The following SMURF1 variants were observed in gnomAD, a reference collection of about 807,000 sequenced individuals.
SMURF1 encodes SMAD specific E3 ubiquitin protein ligase 1, also known as E3 ubiquitin-protein ligase SMURF1.
SMURF1 carries 44 observed loss-of-function variants against 98.0 expected under a neutral mutation model. The ratio of observed to expected loss-of-function variants is 0.45; its 90% confidence interval spans 0.35 to 0.58. SMURF1 has a LOEUF of 0.58. Among genes scored for constraint, SMURF1 ranks in the 20% least tolerant of loss-of-function variants. The pLI, the probability that SMURF1 is intolerant of heterozygous loss-of-function variation, is 0.00. For synonymous variants in SMURF1, 396 were observed against 374.9 expected (o/e 1.06, Z -0.65); for missense variants, 687 against 938.4 (o/e 0.73, Z 3.50).
intron 1 of SMURF1, among the ~76,000 whole-genome samples, chr7:99,090,648 TA>T (rs1796787599): frequency 6.6e-6 from 1 of 152,216 alleles, no homozygotes; most frequent in African/African-American, 2.4e-5. Flanking sequence ...CAATCTGTAA[TA>T]GAAGAAAAAT....
At chr7:99,129,315 G>A (rs1198781823) in intron 1 of SMURF1, among the ~76,000 whole-genome samples, 2 of 152,164 alleles carry the variant, frequency 1.3e-5, no homozygotes, top group Non-Finnish European at 2.9e-5. Flanking sequence ...AACACATTAT[G>A]TACCAGACAG....
chr7:99,088,257 CAA>C (rs537503861), intron 1 of SMURF1, among the ~76,000 whole-genome samples: 7 of 131,282 alleles, frequency 5.3e-5, no homozygotes, highest in Non-Finnish European at 4.9e-5. Flanking sequence ...GACTCTGTCT[CAA>C]AAAAAAAAAA....
At chr7:99,101,421 T>G (rs1364757518) in intron 1 of SMURF1, among the ~76,000 whole-genome samples, 4 of 152,150 alleles carry the variant, frequency 2.6e-5, no homozygotes, top group African/African-American at 9.7e-5. Flanking sequence ...ACATGCAGTT[T>G]CTACTAATTT....
chr7:99,128,556 C>T (rs192517403), intron 1 of SMURF1, among the ~76,000 whole-genome samples: 52 of 152,336 alleles, frequency 3.4e-4, no homozygotes, highest in Non-Finnish European at 6.5e-4. Context: ...ACTTTTTACT[C>T]TACAAGTTGG....
chr7:99,036,073 C>T (rs1161389474), intron 15 of SMURF1: 3 of 309,930 alleles, frequency 9.7e-6, no homozygotes, highest in Non-Finnish European at 1.9e-5. Flanking sequence ...CCCAGGGTCT[C>T]TCCAGGACAC....
At position 99,051,111 on chromosome 7, in the gene SMURF1, T is replaced by C. The variant is rs1393691192; in HGVS notation, c.806+246A>G. ...AAAGTTAGTGATCATAAGGAATTGCTGTGTAACCAACTTCAACAATGATCA... is the reference window on the plus strand; with the variant it reads ...AAAGTTAGTGATCATAAGGAATTGCCGTGTAACCAACTTCAACAATGATCA... On this transcript the variant is annotated intron_variant, in intron 8 of 17. Transcript: ENST00000361368. 5.2e-6 allele frequency: 5 copies of C among 960,188 alleles called. No individual in the cohort carries two copies. The East Asian group carries it at 7.9e-5, about 15-fold the overall frequency. The allele number at this position is 960,188 out of a possible 1,614,324, so 59.5% of individuals were successfully genotyped here. A position where few individuals can be genotyped will look rare whatever the true frequency, so the allele number is the denominator to read the frequency against.
intron 11 of SMURF1, among the ~76,000 whole-genome samples, chr7:99,043,092 T>C (rs1273986171): frequency 6.6e-6 from 1 of 152,120 alleles, no homozygotes. Context: ...AAGAACCTTT[T>C]TTGAAAAAGA....
Position 99,057,237 on chromosome 7 carries a change from G to A in SMURF1, c.371C>T (p.Ser124Leu). Reference protein sequence around the residue: ...QRLDLCKLNPSDTDAVRGQIV... With the variant: ...QRLDLCKLNPLDTDAVRGQIV... ...CTGGCCACGAACTGCATCAGTATCT[G>A]AGGGGTTTAGTTTGCATAGATCCAA... The change falls in exon 5 of 18, where the codon TCA becomes TTA. Residue 124 changes from serine to leucine, a missense_variant. Coordinates refer to ENST00000361368, the MANE Select transcript of SMURF1 (RefSeq NM_181349.3). The A allele has an allele frequency of 6.2e-7, 1 of 1,614,040 alleles. No individual in the cohort carries two copies. The highest frequency in any genetic ancestry group is 8.5e-7 in the Non-Finnish European group (1 of 1,179,946).
intron 1 of SMURF1, among the ~76,000 whole-genome samples, chr7:99,077,793 A>C (rs1249785274): frequency 6.6e-6 from 1 of 152,242 alleles, no homozygotes; most frequent in Admixed American, 6.5e-5. Flanking sequence ...AATATGTTAC[A>C]GAAGACAGGG....
At chr7:99,042,374 G>C (rs1016478183) in intron 11 of SMURF1, 142 bp from the exon 12 acceptor site, 2 of 582,660 alleles carry the variant, frequency 3.4e-6, no homozygotes, top group African/African-American at 1.9e-5. Context: ...CTGCCTTCCT[G>C]GTCCAAGTGA....
Position 99,029,364 on chromosome 7 carries a change from CAG to C in SMURF1, c.*1218_*1219del, listed in dbSNP as rs1794804977. 1.3e-5 allele frequency: 2 copies of C among 152,378 alleles called. No homozygotes were observed. Among genetic ancestry groups the C allele is most frequent in the Admixed American group, 1.3e-4 (2 of 15,268 alleles). 9.4% of individuals were successfully genotyped at this position (152,378 alleles called of 1,614,324 possible). A position where few individuals can be genotyped will look rare whatever the true frequency, so the allele number is the denominator to read the frequency against. Reference sequence around the variant, plus strand: ...CTTTTGTGCAAACTGGAAATGGTGTCAGAAACTTCGAATCTAGCCTTGCTTCT... The same window carrying C: ...CTTTTGTGCAAACTGGAAATGGTGTCAAACTTCGAATCTAGCCTTGCTTCT... On this transcript the variant is annotated 3_prime_UTR_variant, in exon 18 of 18. Coordinates refer to ENST00000361368, the MANE Select transcript of SMURF1 (RefSeq NM_181349.3).
intron 1 of SMURF1, among the ~76,000 whole-genome samples, chr7:99,135,740 C>CTTTT (rs1797977488): frequency 6.6e-6 from 1 of 152,166 alleles, no homozygotes; most frequent in Non-Finnish European, 1.5e-5. Flanking sequence ...TGTGAAAACA[C>CTTTT]CCATAAGAAA....
Position 99,047,681 on chromosome 7 carries a change from T to C in SMURF1, c.1152+3A>G, listed in dbSNP as rs775085969. On this transcript the variant is annotated splice_donor_region_variant and intron_variant, in intron 10 of 17. Coordinates refer to ENST00000361368, the MANE Select transcript of SMURF1 (RefSeq NM_181349.3). ...GTCTGGGCAGTGGCCCTGAACTCTC[T>C]ACCTCAAAGATTTCTTCTCTGGACA... The C allele has an allele frequency of 6.2e-7, 1 of 1,614,200 alleles. No homozygotes were observed. Among genetic ancestry groups the C allele is most frequent in the South Asian group, 1.1e-5 (1 of 91,084 alleles).
intron 1 of SMURF1, among the ~76,000 whole-genome samples, chr7:99,143,393 A>T (rs528496107): frequency 9.2e-6 from 1 of 109,280 alleles, no homozygotes; most frequent in Non-Finnish European, 1.9e-5. Flanking sequence ...GGAAAAGAGA[A>T]GCGAGGGGCG....
At chr7:99,058,778 A>G (rs1308894216) in intron 3 of SMURF1, among the ~76,000 whole-genome samples, 1 of 152,224 alleles carries the variant, frequency 6.6e-6, no homozygotes, top group African/African-American at 2.4e-5. Flanking sequence ...ACATGAAAAC[A>G]TGGGTGCATA....
At chr7:99,035,178 A>C (rs1353747884) in intron 16 of SMURF1, among the ~76,000 whole-genome samples, 1 of 152,178 alleles carries the variant, frequency 6.6e-6, no homozygotes, top group East Asian at 1.9e-4. Context: ...GTTCCCCCAT[A>C]GCTCCCTCCC....
chr7:99,057,743 G>A (rs896418118), intron 3 of SMURF1, among the ~76,000 whole-genome samples, 192 bp from the exon 4 acceptor site: 1 of 151,734 alleles, frequency 6.6e-6, no homozygotes, highest in African/African-American at 2.4e-5. Context: ...GACTACAGGC[G>A]TGCATCACCA....
chr7:99,040,434 C>G lies in SMURF1; in HGVS notation c.1494G>C (p.Gln498His). 6.3e-7 allele frequency: 1 copy of G among 1,593,660 alleles called. No individual in the cohort carries two copies. The highest frequency in any genetic ancestry group is 2.3e-5 in the East Asian group (1 of 43,428). Residue 498 changes from glutamine (Q) to histidine (H), a missense_variant, in exon 13 of 18, where the codon CAG (glutamine) becomes CAC (histidine). Gln to His is a conservative substitution (Grantham distance 24). This residue lies in a region of SMURF1 where 272 missense variants were observed against 430.0 expected (regional missense o/e 0.63). Transcript: ENST00000361368. ...GGTCCACAGATTCCAGATCTGAGAG[C>G]TGGATGGGCTTCCCCAGCAGCTGCT... ...FYKQLLGKPI[Q>H]LSDLESVDPE...
At chr7:99,142,496 T>C (rs908696237) in intron 1 of SMURF1, among the ~76,000 whole-genome samples, 1 of 147,172 alleles carries the variant, frequency 6.8e-6, no homozygotes, top group African/African-American at 2.5e-5. Context: ...AGCTACAAGA[T>C]AGGATTGAGG....
Sources: allele counts gnomAD v4.1 joint callset (sites outside exome capture counted in the v4.1 genomes callset), GRCh38; gene constraint gnomAD v4.1.1; regional missense constraint gnomAD v4.1.1; transcripts MANE v1.5; gene names NCBI Gene and HGNC (gene_info 2026-07-23, HGNC 2026-07-21).